Variants in CAST observed in about 807,000 individuals in gnomAD.
CAST encodes MIR583 host.
Under a neutral mutation model 119.6 loss-of-function variants are expected in CAST, and 76 were observed. The ratio of observed to expected loss-of-function variants is 0.64; its 90% CI spans 0.53 to 0.77. The LOEUF (loss-of-function observed/expected upper bound fraction) is 0.77, where lower values mean the gene tolerates loss of function less well. Among genes scored for constraint, CAST ranks in the 30% least tolerant of loss-of-function variants. The probability of loss-of-function intolerance (pLI) is 0.00; values close to 1 mark genes in which losing one functional copy is unlikely to be tolerated. For missense variants in CAST, 953 were observed against 946.5 expected (o/e 1.01, Z -0.09); for synonymous variants, 319 against 331.6 (o/e 0.96, Z 0.41).
At chr5:96,725,704 T>C (rs1340091927) in intron 4 of CAST, among the ~76,000 whole-genome samples, 4 of 152,250 alleles carry the variant, frequency 2.6e-5, no homozygotes, top group Non-Finnish European at 5.9e-5. Context: ...TTCTTAATTG[T>C]AGTGTAGGTT....
chr5:96,718,208 A>T (rs544922416), intron 3 of CAST, among the ~76,000 whole-genome samples: 1 of 152,332 alleles, frequency 6.6e-6, no homozygotes, highest in South Asian at 2.1e-4. Context: ...ATTTCAGCCT[A>T]TATCTATCTT....
chr5:96,502,871 A>G, the CAST span, among the ~76,000 whole-genome samples: 1 of 152,194 alleles, frequency 6.6e-6, no homozygotes, highest in African/African-American at 2.4e-5. Flanking sequence ...CAGATGCCCT[A>G]TAATTCTTCA....
intron 3 of CAST, among the ~76,000 whole-genome samples, chr5:96,699,127 G>A (rs1271934162): frequency 6.6e-6 from 1 of 152,186 alleles, no homozygotes; most frequent in African/African-American, 2.4e-5. Flanking sequence ...TAAATCAGTA[G>A]TGAAGATGAG....
At chr5:96,425,249 A>G in the CAST span, among the ~76,000 whole-genome samples, 3 of 152,130 alleles carry the variant, frequency 2.0e-5, no homozygotes, top group Admixed American at 6.5e-5. Context: ...AAGAGAGGAC[A>G]CCCTGCAGGT....
chr5:96,588,149 T>C (rs1401457697), intron 1 of CAST, among the ~76,000 whole-genome samples: 2 of 151,398 alleles, frequency 1.3e-5, no homozygotes, highest in Admixed American at 6.6e-5. Flanking sequence ...ATATGGATGT[T>C]ATAAGCCATG....
chr5:96,073,378 T>C, the CAST span, among the ~76,000 whole-genome samples: 1 of 152,242 alleles, frequency 6.6e-6, no homozygotes, highest in South Asian at 2.1e-4. Flanking sequence ...TCACTTTTTC[T>C]ATTTGAAAAT....
intron 1 of CAST, among the ~76,000 whole-genome samples, chr5:96,609,065 A>G (rs1747311601): frequency 6.6e-6 from 1 of 152,230 alleles, no homozygotes; most frequent in African/African-American, 2.4e-5. Flanking sequence ...ACATCTACCC[A>G]GAAACAGCCT....
chr5:96,106,743 T>G, the CAST span, among the ~76,000 whole-genome samples: 1 of 151,924 alleles, frequency 6.6e-6, no homozygotes, highest in East Asian at 1.9e-4. Context: ...TTAGGTCCAC[T>G]TGGTGCAGAG....
intron 1 of CAST, among the ~76,000 whole-genome samples, chr5:96,617,535 A>T (rs911944009): frequency 9.9e-5 from 15 of 152,198 alleles, no homozygotes; most frequent in Admixed American, 3.3e-4. Context: ...CATGCCTGTA[A>T]TCCCGGCACT....
intron 1 of CAST, among the ~76,000 whole-genome samples, chr5:96,588,800 A>G (rs1746909005): frequency 6.6e-6 from 1 of 152,216 alleles, no homozygotes; most frequent in Non-Finnish European, 1.5e-5. Context: ...TTCTCTATGC[A>G]ATCTTCAAAG....
the CAST span, among the ~76,000 whole-genome samples, chr5:96,460,503 C>A: frequency 6.6e-6 from 1 of 151,726 alleles, no homozygotes; most frequent in Admixed American, 6.6e-5. Context: ...GTGTAACAAA[C>A]CTGCACATTC....
chr5:96,046,629 T>A, the CAST span, among the ~76,000 whole-genome samples: 1 of 152,222 alleles, frequency 6.6e-6, no homozygotes, highest in Non-Finnish European at 1.5e-5. Context: ...TGGCCTGCAA[T>A]GTGGCAAGAA....
At chr5:96,534,369 C>T (rs1235498039) in intron 1 of CAST, among the ~76,000 whole-genome samples, 2 of 150,816 alleles carry the variant, frequency 1.3e-5, no homozygotes, top group Non-Finnish European at 3.0e-5. Flanking sequence ...TTTAAGAAAC[C>T]GTTACTTGTC....
the CAST span, among the ~76,000 whole-genome samples, chr5:96,059,034 G>C: frequency 6.6e-6 from 1 of 152,126 alleles, no homozygotes; most frequent in Non-Finnish European, 1.5e-5. Context: ...AAGGTACCCA[G>C]CTCTCCCTAA....
the CAST span, among the ~76,000 whole-genome samples, chr5:96,168,568 G>A: frequency 4.7e-4 from 72 of 152,310 alleles, no homozygotes; most frequent in Middle Eastern, 3.4e-3. Context: ...AATGATAGAT[G>A]TGGAAGATAC....
the CAST span, among the ~76,000 whole-genome samples, chr5:96,267,769 A>G: frequency 6.6e-6 from 1 of 152,234 alleles, no homozygotes; most frequent in Non-Finnish European, 1.5e-5. Flanking sequence ...AAATACACTA[A>G]CAAACCCAGA....
the CAST span, among the ~76,000 whole-genome samples, chr5:96,112,235 G>C: frequency 1.8e-4 from 28 of 151,900 alleles, no homozygotes; most frequent in Admixed American, 1.6e-3. Context: ...AAGCCAGTGG[G>C]AATATATTAC....
the CAST span, among the ~76,000 whole-genome samples, chr5:96,436,347 A>G: frequency 6.6e-6 from 1 of 152,230 alleles, no homozygotes; most frequent in Admixed American, 6.5e-5. Flanking sequence ...TTTTCTTTAC[A>G]TGATACAATT....
the CAST span, among the ~76,000 whole-genome samples, chr5:95,972,833 A>T: frequency 2.6e-5 from 4 of 152,198 alleles, no homozygotes; most frequent in Non-Finnish European, 5.9e-5. Context: ...TAAGTGTTTT[A>T]CAGTTTTACA....
Sources: gnomAD v4.1 joint callset for allele counts (sites outside exome capture counted in the v4.1 genomes callset) on GRCh38, gnomAD v4.1.1 for gene constraint, MANE v1.5 for transcripts, NCBI Gene and HGNC (gene_info 2026-07-23, HGNC 2026-07-21) for gene names.